DLEU7: variants seen among roughly 807,000 people sequenced by gnomAD.
DLEU7 encodes the protein leukemia-associated protein 7.
Under a neutral mutation model 16.0 loss-of-function variants are expected in DLEU7, and 17 were observed. That is an observed-to-expected ratio of 1.06 (90% CI 0.73 to 1.59). The LOEUF is 1.59. DLEU7 is among the 40% of genes most tolerant of loss of function. DLEU7 has a pLI of 0.00. For synonymous variants in DLEU7, 113 were observed against 139.8 expected (o/e 0.81, Z 1.35); for missense variants, 308 against 314.9 (o/e 0.98, Z 0.17).
At chr13:50,714,731 AC>A (rs533825264) in intron 1 of DLEU7, among the ~76,000 whole-genome samples, 84 of 152,290 alleles carry the variant, frequency 5.5e-4, no homozygotes, top group African/African-American at 1.9e-3. Flanking sequence ...CCCTCATCTT[AC>A]GCAAATAAGA....
chr13:50,746,165 A>C (rs1273883773), intron 1 of DLEU7, among the ~76,000 whole-genome samples: 3 of 152,198 alleles, frequency 2.0e-5, no homozygotes, highest in Non-Finnish European at 4.4e-5. Flanking sequence ...AGTACCTGGC[A>C]CACAGTAAGT....
rs928362344 is a variant in DLEU7 at position 50,831,467 on chromosome 13, T to A, written c.460-7947A>T. Among the ~76,000 whole-genome samples, 4 of 152,228 alleles carry A rather than the reference T, an allele frequency of 2.6e-5. No homozygotes were observed. In the East Asian group the frequency reaches 5.8e-4, roughly 22 times the overall value. On this transcript the variant is annotated intron_variant, in intron 1 of 1. Coordinates refer to ENST00000504404, the MANE Select transcript of DLEU7 (RefSeq NM_001306135.2). The stretch of plus-strand genomic sequence containing the variant: ...CCAAAATAAATAACAGAAGCCAAAG[T>A]GTGGAGTCAGAAGGGGCTGGGTCAG...
chr13:50,833,569 T>C (rs1383575963), intron 1 of DLEU7, among the ~76,000 whole-genome samples: 1 of 152,242 alleles, frequency 6.6e-6, no homozygotes, highest in Non-Finnish European at 1.5e-5. Flanking sequence ...AAACATTCCA[T>C]GCTCATGGAT....
chr13:50,840,788 T>TG (rs145913521), intron 1 of DLEU7, among the ~76,000 whole-genome samples: 1,988 of 151,480 alleles, frequency 0.013, 38 homozygotes, highest in African/African-American at 0.044. Flanking sequence ...TACATGGGGA[T>TG]GGGGGGGCAG....
At chr13:50,716,246 C>T (rs1367851611) in intron 1 of DLEU7, among the ~76,000 whole-genome samples, 1 of 152,174 alleles carries the variant, frequency 6.6e-6, no homozygotes, top group African/African-American at 2.4e-5. Flanking sequence ...TTCTGATCAC[C>T]AAGGGCTATC....
chr13:50,842,937 T>C (rs754889689), intron 1 of DLEU7, among the ~76,000 whole-genome samples: 1 of 150,704 alleles, frequency 6.6e-6, no homozygotes, highest in Non-Finnish European at 1.5e-5. Context: ...CAGGGGGAGG[T>C]TTTGGCAAGG....
intron 1 of DLEU7, among the ~76,000 whole-genome samples, chr13:50,802,659 G>T (rs1876283599): frequency 6.6e-6 from 1 of 152,030 alleles, no homozygotes; most frequent in Non-Finnish European, 1.5e-5. Flanking sequence ...CATATTTGGG[G>T]TACTAAACTT....
chr13:50,820,837 T>C (rs1876880551), downstream of DLEU7, among the ~76,000 whole-genome samples: 2 of 152,194 alleles, frequency 1.3e-5, no homozygotes, highest in Admixed American at 1.3e-4. Flanking sequence ...TTTAGTGGTA[T>C]ATTTTACTTA....
At chr13:50,778,486 G>A (rs1367676773) in intron 1 of DLEU7, among the ~76,000 whole-genome samples, 1 of 152,156 alleles carries the variant, frequency 6.6e-6, no homozygotes, top group Non-Finnish European at 1.5e-5. Flanking sequence ...GAGAAATCAG[G>A]TGGGTGCTCT....
intron 1 of DLEU7, among the ~76,000 whole-genome samples, chr13:50,807,561 G>A (rs1242902829): frequency 6.6e-6 from 1 of 151,748 alleles, no homozygotes; most frequent in Non-Finnish European, 1.5e-5. Context: ...GCTTTTGACT[G>A]AGAAATTGTG....
chr13:50,828,506 T>C (rs1019474201), intron 1 of DLEU7, among the ~76,000 whole-genome samples: 1 of 152,188 alleles, frequency 6.6e-6, no homozygotes, highest in African/African-American at 2.4e-5. Flanking sequence ...GAGAAACACT[T>C]TGACTTAAAT....
chr13:50,781,941 C>G (rs997656383), intron 1 of DLEU7, among the ~76,000 whole-genome samples: 1 of 152,174 alleles, frequency 6.6e-6, no homozygotes, highest in Admixed American at 6.5e-5. Context: ...GCTCTGTAAG[C>G]CATGAATATC....
intron 1 of DLEU7, among the ~76,000 whole-genome samples, chr13:50,804,460 A>T (rs1876335075): frequency 6.6e-6 from 1 of 150,932 alleles, no homozygotes; most frequent in Non-Finnish European, 1.5e-5. Context: ...TTTTTGAGAC[A>T]GAGTCTCACT....
chr13:50,784,051 A>G (rs367771326), intron 1 of DLEU7, among the ~76,000 whole-genome samples: 52 of 152,368 alleles, frequency 3.4e-4, no homozygotes, highest in African/African-American at 1.2e-3. Context: ...GTGTTTTGCC[A>G]GGCACATGGA....
chr13:50,717,225 T>A (rs1225202244), intron 1 of DLEU7, among the ~76,000 whole-genome samples: 1 of 152,174 alleles, frequency 6.6e-6, no homozygotes, highest in Non-Finnish European at 1.5e-5. Flanking sequence ...CCACTCCCAG[T>A]GAATTTGCTA....
rs1416911545 is a variant in DLEU7, at chr13:50,843,146, G to T, written c.459+42C>A. On this transcript the variant is annotated intron_variant, in intron 1 of 1. Coordinates refer to ENST00000504404, the MANE Select transcript of DLEU7 (RefSeq NM_001306135.2). This position sits in a 1 kb window ranked among gnomAD's most constrained non-coding sequence, Gnocchi z 5.7. ...CAGCCCCACCCTTGGAGGATGGGAGGTTACCCTGCACGCCAGAGGGGATGG... is the reference window on the plus strand; with the variant it reads ...CAGCCCCACCCTTGGAGGATGGGAGTTTACCCTGCACGCCAGAGGGGATGG... 1.0e-5 allele frequency: 16 copies of T among 1,553,030 alleles called. No homozygotes were observed. Among genetic ancestry groups the T allele is most frequent in the African/African-American group, 1.4e-5 (1 of 70,824 alleles).
intron 1 of DLEU7, among the ~76,000 whole-genome samples, chr13:50,837,135 T>C (rs1413142854): frequency 2.0e-5 from 3 of 152,168 alleles, no homozygotes; most frequent in Non-Finnish European, 4.4e-5. Flanking sequence ...CACAGGAAAT[T>C]AAACATTTTT....
chr13:50,802,849 T>C (rs1333174091), intron 1 of DLEU7, among the ~76,000 whole-genome samples: 3 of 152,206 alleles, frequency 2.0e-5, no homozygotes, highest in East Asian at 1.9e-4. Context: ...TTTTACACAG[T>C]TGGGACCACG....
rs1877723436 is a variant in DLEU7 at position 50,843,058 on chromosome 13, T to G, written c.459+130A>C. The stretch of plus-strand genomic sequence containing the variant: ...TCCCCCGCCCCCTTCCTTCTCCCAC[T>G]GGGGCTGAATCACAGTGGGCAGCAG... On this transcript the variant is annotated intron_variant, in intron 1 of 1. Coordinates refer to ENST00000504404, the MANE Select transcript of DLEU7 (RefSeq NM_001306135.2). The surrounding 1 kb of genome is among the most constrained non-coding windows in gnomAD (Gnocchi z 5.7). 1 of 953,806 alleles carries G rather than the reference T, an allele frequency of 1.0e-6. No homozygotes were observed. The highest frequency in any genetic ancestry group is 1.5e-6 in the Non-Finnish European group (1 of 679,742). The allele number at this position is 953,806 out of a possible 1,614,324, so 59.1% of individuals were successfully genotyped here.
Sources: gnomAD v4.1 joint callset for allele counts (sites outside exome capture counted in the v4.1 genomes callset) on GRCh38, gnomAD v4.1.1 for gene constraint, Gnocchi (gnomAD v3.1) non-coding constraint, MANE v1.5 for transcripts, NCBI Gene and HGNC (gene_info 2026-07-23, HGNC 2026-07-21) for gene names.